Variants in TNIK observed in about 807,000 individuals in gnomAD.
The protein encoded by TNIK is TRAF2 and NCK interacting kinase.
Under a neutral mutation model 191.3 loss-of-function variants are expected in TNIK, and 49 were observed. That is an observed-to-expected ratio of 0.26 (90% confidence interval 0.20 to 0.32). TNIK has a LOEUF of 0.32. Ranked by LOEUF, TNIK falls within the 10% of genes least tolerant of loss-of-function variation. The probability of loss-of-function intolerance (pLI) is 1.00; values close to 1 mark genes in which losing one functional copy is unlikely to be tolerated. For synonymous variants in TNIK, 594 were observed against 600.9 expected, an observed-to-expected ratio of 0.99 and a Z score of 0.17; for missense variants, 1,155 against 1,702.3, an observed-to-expected ratio of 0.68 and a Z score of 5.66.
chr3:171,246,521 G>A (rs545334512), intron 2 of TNIK, among the ~76,000 whole-genome samples: 7 of 152,162 alleles, frequency 4.6e-5, no homozygotes, highest in Admixed American at 3.3e-4. Flanking sequence ...ATAAGGAAAC[G>A]CACAAAGAAG....
At chr3:171,426,997 CA>C (rs1724723016) in intron 1 of TNIK, among the ~76,000 whole-genome samples, 1 of 152,142 alleles carries the variant, frequency 6.6e-6, no homozygotes, top group East Asian at 1.9e-4. Context: ...CTTGGTAGAT[CA>C]CAGACGAAAG....
intron 2 of TNIK, among the ~76,000 whole-genome samples, chr3:171,303,205 G>A (rs971053123): frequency 3.3e-5 from 5 of 152,058 alleles, no homozygotes; most frequent in Non-Finnish European, 7.4e-5. Flanking sequence ...ATAGTGTAAA[G>A]TAAATAGACA....
At chr3:171,445,804 T>C (rs1390099906) in intron 1 of TNIK, among the ~76,000 whole-genome samples, 1 of 152,234 alleles carries the variant, frequency 6.6e-6, no homozygotes, top group East Asian at 1.9e-4. Context: ...TACTCTCAGA[T>C]GGACATTACT....
At chr3:171,314,043 T>C (rs1222434818) in intron 2 of TNIK, among the ~76,000 whole-genome samples, 1 of 152,144 alleles carries the variant, frequency 6.6e-6, no homozygotes, top group Non-Finnish European at 1.5e-5. Context: ...GCTCCATAAA[T>C]GTTTAATACT....
intron 2 of TNIK, among the ~76,000 whole-genome samples, chr3:171,338,718 G>A (rs1003304875): frequency 6.6e-6 from 1 of 150,900 alleles, no homozygotes; most frequent in Non-Finnish European, 1.5e-5. Flanking sequence ...TTGCCCAAGG[G>A]TCTCAAACTC....
At chr3:171,315,517 T>C (rs762821885) in intron 2 of TNIK, among the ~76,000 whole-genome samples, 3 of 152,118 alleles carry the variant, frequency 2.0e-5, no homozygotes, top group Admixed American at 6.5e-5. Context: ...TGCCCGGAGC[T>C]GCCATAATAA....
chr3:171,141,552 C>T (rs1045371448), intron 12 of TNIK, among the ~76,000 whole-genome samples: 1 of 152,226 alleles, frequency 6.6e-6, no homozygotes, highest in Non-Finnish European at 1.5e-5. Context: ...TTACCCCTCT[C>T]TGGAGCATTT....
At chr3:171,221,197 G>A (rs917424451) in intron 3 of TNIK, among the ~76,000 whole-genome samples, 3 of 152,216 alleles carry the variant, frequency 2.0e-5, no homozygotes, top group African/African-American at 4.8e-5. Flanking sequence ...TCTGTTGAAA[G>A]TTTTGACCAT....
Position 171,352,037 on chromosome 3 carries a change from T to C in TNIK, c.123+17583A>G, listed in dbSNP as rs1713293402. 3.3e-5 allele frequency among the ~76,000 whole-genome samples: 5 copies of C among 152,048 alleles called. No homozygotes were observed. In the South Asian group the frequency reaches 1.0e-3, roughly 32 times the overall value. On this transcript the variant is annotated intron_variant, in intron 2 of 32. Coordinates refer to ENST00000436636, the MANE Select transcript of TNIK (RefSeq NM_015028.4). ...AATGGGCATATAAATCACCTGGGAG[T>C]CTCGTTAAAAAGCAGATTCTGCTTC... is the stretch of plus-strand genomic sequence containing the variant.
intron 1 of TNIK, among the ~76,000 whole-genome samples, chr3:171,371,644 A>G (rs1716503894): frequency 1.3e-5 from 2 of 152,284 alleles, no homozygotes; most frequent in South Asian, 2.1e-4. Flanking sequence ...CCAACACCCC[A>G]TAGTTAGAAG....
In TNIK at chr3:171,101,595, C is replaced by G. The variant is rs1418724952; in HGVS notation, c.2445G>C (p.Arg815=). The change falls in exon 22 of 33, where the codon CGG becomes CGC. Residue 815 remains arginine (R), a synonymous_variant. Transcript: ENST00000436636. ...TALAKELREL[R]IEETNRPMKK... is the part of the protein sequence containing the mutation. The stretch of plus-strand genomic sequence containing the variant: ...TCATTGGGCGGTTTGTTTCTTCAAT[C>G]CGGAGTTCTCTTAGTTCTTTGGCTA... 1.2e-6 allele frequency: 2 copies of G among 1,613,194 alleles called. No homozygotes were observed.
chr3:171,414,052 A>G (rs1722738884), intron 1 of TNIK, among the ~76,000 whole-genome samples: 1 of 152,172 alleles, frequency 6.6e-6, no homozygotes, highest in Admixed American at 6.5e-5. Context: ...CTATCCATCT[A>G]TCCATCCATC....
intron 2 of TNIK, among the ~76,000 whole-genome samples, chr3:171,251,634 C>T (rs886111572): frequency 6.6e-6 from 1 of 152,150 alleles, no homozygotes; most frequent in Non-Finnish European, 1.5e-5. Flanking sequence ...CTGTATTCCA[C>T]ACATACACTA....
At chr3:171,383,904 A>T (rs188581497) in intron 1 of TNIK, among the ~76,000 whole-genome samples, 6 of 152,058 alleles carry the variant, frequency 3.9e-5, no homozygotes, top group Non-Finnish European at 7.4e-5. Context: ...CTGTCCTCCA[A>T]ATCTCCCAGT....
intron 25 of TNIK, 131 bp downstream of exon 25, chr3:171,084,987 A>C (rs1721155389): frequency 1.6e-6 from 1 of 622,994 alleles, no homozygotes; most frequent in Non-Finnish European, 2.6e-6. Flanking sequence ...TAATTTTAAA[A>C]AGTCTTCCTT....
At position 171,146,879 on chromosome 3, in the gene TNIK, G is replaced by A. The variant is rs543418618; in HGVS notation, c.1222-6370C>T. Among the ~76,000 whole-genome samples, 264 of 142,306 alleles carry A rather than the reference G, an allele frequency of 1.9e-3. 1 individual carries two copies. The highest frequency in any genetic ancestry group is 0.011 in the Middle Eastern group (3 of 284). The allele number at this position is 142,306 out of a possible 152,430, so 93.4% of individuals were successfully genotyped here. ...TACGAGATTGTGCCTGGGTGACAGA[G>A]TGAGACTTCATCTCAAAAAAAAAAA... On this transcript the variant is annotated intron_variant, in intron 12 of 32. Transcript: ENST00000436636.
At chr3:171,073,289 A>T (rs1719440732) in intron 28 of TNIK, among the ~76,000 whole-genome samples, 1 of 152,108 alleles carries the variant, frequency 6.6e-6, no homozygotes, top group Non-Finnish European at 1.5e-5. Context: ...AACAAACATA[A>T]ACAATGAGGA....
At chr3:171,161,677 G>C (rs1200058084) in intron 10 of TNIK, among the ~76,000 whole-genome samples, 9 of 152,140 alleles carry the variant, frequency 5.9e-5, no homozygotes, top group African/African-American at 2.2e-4. Context: ...CCAGCACTTT[G>C]GGAGGCTGAG....
At chr3:171,173,703 T>C (rs1361253908) in intron 9 of TNIK, among the ~76,000 whole-genome samples, 1 of 152,098 alleles carries the variant, frequency 6.6e-6, no homozygotes. Flanking sequence ...CAGTTTGTCC[T>C]CCTCTGTGGA....
Sources: allele counts gnomAD v4.1 joint callset (sites outside exome capture counted in the v4.1 genomes callset), GRCh38; gene constraint gnomAD v4.1.1; transcripts MANE v1.5; gene names NCBI Gene and HGNC (gene_info 2026-07-23, HGNC 2026-07-21).